Variants in LRP1B observed in about 807,000 individuals in gnomAD.
LRP1B encodes the protein low-density lipoprotein receptor-related protein 1B.
LRP1B carries 217 observed loss-of-function variants against 556.6 expected under a neutral mutation model. The observed-to-expected ratio is 0.39, with a 90% CI of 0.35 to 0.44. The LOEUF (loss-of-function observed/expected upper bound fraction) is 0.44. Ranked by LOEUF, LRP1B falls within the 20% of genes least tolerant of loss-of-function variation. The probability of loss-of-function intolerance (pLI) is 1.00; values close to 1 mark genes in which losing one functional copy is unlikely to be tolerated. For synonymous variants in LRP1B, 2,047 were observed against 1,865.8 expected, an observed-to-expected ratio of 1.10 and a Z score of -2.50; for missense variants, 5,053 against 5,620.8, an observed-to-expected ratio of 0.90 and a Z score of 3.23.
chr2:140,702,726 T>TA lies in LRP1B; in HGVS notation c.6024-174dup, dbSNP rs1158771003. Among the ~76,000 whole-genome samples, 12 of 152,192 alleles carry TA rather than the reference T, an allele frequency of 7.9e-5. 1 individual carries two copies. In the East Asian group the frequency reaches 2.3e-3, roughly 29 times the overall value. On this transcript the variant is annotated intron_variant, in intron 37 of 90. Coordinates refer to ENST00000389484, the MANE Select transcript of LRP1B (RefSeq NM_018557.3). ...GGTTCCGATAAAATAATTTTTATCG[T>TA]AAAAAAATAGTTAACCAGTCATACA...
At chr2:140,324,129 G>A (rs1680322935) in intron 80 of LRP1B, 63 bp from the exon 81 acceptor site, 1 of 999,348 alleles carries the variant, frequency 1.0e-6, no homozygotes, top group East Asian at 2.4e-5. Context: ...TAAAAACTAT[G>A]TTTATCCAAG....
At chr2:142,127,670 A>T (rs907368150) in intron 1 of LRP1B, among the ~76,000 whole-genome samples, 3 of 151,984 alleles carry the variant, frequency 2.0e-5, no homozygotes, top group Non-Finnish European at 2.9e-5. Context: ...ATCGCAGTTC[A>T]TTCTTCTTTG....
intron 7 of LRP1B, among the ~76,000 whole-genome samples, chr2:141,099,603 A>G (rs956401604): frequency 1.3e-5 from 2 of 152,238 alleles, no homozygotes; most frequent in African/African-American, 4.8e-5. Flanking sequence ...GTCTGCACAC[A>G]TAGACATCTA....
At chr2:140,951,144 C>T (rs1695703025) in intron 19 of LRP1B, among the ~76,000 whole-genome samples, 1 of 151,976 alleles carries the variant, frequency 6.6e-6, no homozygotes, top group Non-Finnish European at 1.5e-5. Flanking sequence ...TTCTCATGTC[C>T]CATAGTTTAT....
At chr2:141,248,891 C>A (rs1384810158) in intron 4 of LRP1B, among the ~76,000 whole-genome samples, 2 of 151,896 alleles carry the variant, frequency 1.3e-5, no homozygotes, top group Admixed American at 6.6e-5. Flanking sequence ...AAGTCAGTGG[C>A]AGTGGAAATG....
At chr2:141,014,413 CAT>C (rs1293303789) in intron 13 of LRP1B, among the ~76,000 whole-genome samples, 4 of 151,958 alleles carry the variant, frequency 2.6e-5, no homozygotes, top group Non-Finnish European at 5.9e-5. Flanking sequence ...ATGGAGGAAT[CAT>C]GTGATAAAAG....
chr2:140,777,155 C>A (rs1330434285), intron 32 of LRP1B, among the ~76,000 whole-genome samples: 1 of 152,106 alleles, frequency 6.6e-6, no homozygotes, highest in African/African-American at 2.4e-5. Context: ...GAATTAATGG[C>A]CACAAATTGA....
chr2:140,894,791 T>TA (rs1693902740), intron 23 of LRP1B, among the ~76,000 whole-genome samples: 1 of 151,778 alleles, frequency 6.6e-6, no homozygotes, highest in Admixed American at 6.6e-5. Flanking sequence ...TCTACAAAAA[T>TA]ACAAAAATTA....
chr2:141,391,296 T>C (rs1690040790), intron 3 of LRP1B, among the ~76,000 whole-genome samples: 1 of 152,132 alleles, frequency 6.6e-6, no homozygotes, highest in African/African-American at 2.4e-5. Flanking sequence ...GAATAAATAT[T>C]GGTTAAACAA....
In LRP1B at chr2:141,268,139, C is replaced by T. The variant is rs1015797491; in HGVS notation, c.344-13498G>A. On this transcript the variant is annotated intron_variant, in intron 3 of 90. Coordinates refer to ENST00000389484, the MANE Select transcript of LRP1B (RefSeq NM_018557.3). ...AGACAAATGCAAAGCTCCAACACCA[C>T]GCCTGGCATACATCAGGTCAAAAAA... Among the ~76,000 whole-genome samples the T allele has an allele frequency of 9.9e-5, 15 of 152,086 alleles. No homozygotes were observed. The East Asian group carries it at 1.3e-3, about 14-fold the overall frequency.
chr2:140,375,744 C>G (rs1289176930), intron 68 of LRP1B, among the ~76,000 whole-genome samples: 1 of 151,666 alleles, frequency 6.6e-6, no homozygotes, highest in Non-Finnish European at 1.5e-5. Context: ...TTTTTTTGTT[C>G]TTACAACATA....
rs1161315395 is a variant in LRP1B, at chr2:140,377,205, A to G, written c.10638+975T>C. ...ATTCCCCTCCCTCAGCCTCCCAAGT[A>G]GCTGGGACTATAGGCGTGCACCATC... On this transcript the variant is annotated intron_variant, in intron 68 of 90. Transcript: ENST00000389484. Among the ~76,000 whole-genome samples, 5 of 152,098 alleles carry G rather than the reference A, an allele frequency of 3.3e-5. No homozygotes were observed. The East Asian group carries it at 5.8e-4, about 18-fold the overall frequency.
chr2:141,443,784 CTGTATATA>C (rs1483642407), intron 3 of LRP1B, among the ~76,000 whole-genome samples: 5 of 152,108 alleles, frequency 3.3e-5, no homozygotes, highest in African/African-American at 1.2e-4. Flanking sequence ...TTCCATTGGT[CTGTATATA>C]TGTTTTGGTA....
At chr2:140,940,617 G>A (rs1228355804) in intron 20 of LRP1B, among the ~76,000 whole-genome samples, 1 of 152,056 alleles carries the variant, frequency 6.6e-6, no homozygotes, top group Non-Finnish European at 1.5e-5. Flanking sequence ...AATTCTGTAG[G>A]GACCCAGCCT....
intron 2 of LRP1B, among the ~76,000 whole-genome samples, chr2:141,560,077 C>A (rs1686091338): frequency 6.6e-6 from 1 of 151,582 alleles, no homozygotes; most frequent in Non-Finnish European, 1.5e-5. Context: ...TTTGTGCTTA[C>A]TCTTTTGACC....
intron 28 of LRP1B, among the ~76,000 whole-genome samples, chr2:140,851,075 T>C (rs1324624434): frequency 6.6e-6 from 1 of 152,166 alleles, no homozygotes; most frequent in African/African-American, 2.4e-5. Context: ...TTAAGTAATA[T>C]TTTGCAAATA....
chr2:142,025,133 T>C (rs559433052), intron 1 of LRP1B, among the ~76,000 whole-genome samples: 1 of 152,156 alleles, frequency 6.6e-6, no homozygotes, highest in South Asian at 2.1e-4. Flanking sequence ...ATGATTATCT[T>C]GTCATCTAAC....
intron 66 of LRP1B, among the ~76,000 whole-genome samples, chr2:140,397,137 A>C (rs946850596): frequency 6.6e-5 from 10 of 152,090 alleles, no homozygotes; most frequent in African/African-American, 2.2e-4. Context: ...ATCTGTTTTT[A>C]TTTTTAATTA....
intron 62 of LRP1B, among the ~76,000 whole-genome samples, chr2:140,451,363 T>C (rs1686879194): frequency 1.3e-5 from 2 of 152,158 alleles, no homozygotes; most frequent in African/African-American, 4.8e-5. Flanking sequence ...TGGCAAACAC[T>C]AAATAGGGCT....
Sources: allele counts gnomAD v4.1 joint callset (sites outside exome capture counted in the v4.1 genomes callset), GRCh38; gene constraint gnomAD v4.1.1; transcripts MANE v1.5; gene names NCBI Gene and HGNC (gene_info 2026-07-23, HGNC 2026-07-21).